The following GCLM variants were observed in gnomAD, a reference collection of about 807,000 sequenced individuals.
GCLM encodes the protein glutamate-cysteine ligase modifier subunit.
In GCLM, 15 loss-of-function variants were observed where a neutral mutation model predicts 36.0. The observed-to-expected ratio is 0.42, with a 90% CI of 0.28 to 0.64. GCLM has a LOEUF of 0.64. GCLM is among the 30% of genes least tolerant of loss of function. The pLI, the probability that GCLM is intolerant of heterozygous loss-of-function variation, is 0.25. For missense variants in GCLM, 242 were observed against 325.5 expected (o/e 0.74, Z 1.97); for synonymous variants, 129 against 122.8 (o/e 1.05, Z -0.34).
At chr1:93,891,933 G>A (rs1027616539) in intron 6 of GCLM, among the ~76,000 whole-genome samples, 57 of 151,770 alleles carry the variant, frequency 3.8e-4, no homozygotes, top group African/African-American at 1.4e-3. Flanking sequence ...ATCTCTTTAT[G>A]GGGGGAAACC....
At chr1:93,893,582 A>T (rs1656613360) in intron 6 of GCLM, among the ~76,000 whole-genome samples, 1 of 152,230 alleles carries the variant, frequency 6.6e-6, no homozygotes, top group African/African-American at 2.4e-5. Context: ...AATTTCCTCT[A>T]ATATTTATTA....
In GCLM at chr1:93,904,479, T is replaced by C. The variant is rs768556157; in HGVS notation, c.192+44A>G. On this transcript the variant is annotated intron_variant, in intron 2 of 6. Coordinates refer to ENST00000370238, the MANE Select transcript of GCLM (RefSeq NM_002061.4). ...GAAATTAACTTCCTGTTTACTTTACTTCCTTTTTGACCTGCATGATTTTTG... is the reference window on the plus strand; with the variant it reads ...GAAATTAACTTCCTGTTTACTTTACCTCCTTTTTGACCTGCATGATTTTTG... The C allele has an allele frequency of 7.4e-6, 9 of 1,220,980 alleles. No homozygotes were observed. In the South Asian group the frequency reaches 1.1e-4, roughly 15 times the overall value. The allele number at this position is 1,220,980 out of a possible 1,614,324, so 75.6% of individuals were successfully genotyped here.
intron 5 of GCLM, among the ~76,000 whole-genome samples, chr1:93,896,117 C>T (rs1448776486): frequency 1.4e-5 from 2 of 145,550 alleles, no homozygotes; most frequent in Non-Finnish European, 3.1e-5. Flanking sequence ...TGCACGCCAC[C>T]ATGCCTGGCT....
intron 3 of GCLM, among the ~76,000 whole-genome samples, chr1:93,901,221 G>A (rs1021072913): frequency 6.6e-6 from 1 of 152,092 alleles, no homozygotes; most frequent in African/African-American, 2.4e-5. Context: ...TTGCTTACCA[G>A]TATCTTACCA....
chr1:93,892,369 A>G (rs1029292015), intron 6 of GCLM, among the ~76,000 whole-genome samples: 1 of 152,218 alleles, frequency 6.6e-6, no homozygotes, highest in African/African-American at 2.4e-5. Flanking sequence ...AATTTTACAG[A>G]GTTAAATGTT....
rs1656393873 is a variant in GCLM at position 93,888,176 on chromosome 1, A to G, written c.*814T>C. On this transcript the variant is annotated 3_prime_UTR_variant, in exon 7 of 7. Coordinates refer to ENST00000370238, the MANE Select transcript of GCLM (RefSeq NM_002061.4). Reference sequence around the variant, plus strand: ...TCTCCAGAGCCCACAGTATCCCAACATATGGTAAATACTCAATACTTATTG... The same window carrying G: ...TCTCCAGAGCCCACAGTATCCCAACGTATGGTAAATACTCAATACTTATTG... 6.6e-6 allele frequency: 1 copy of G among 152,168 alleles called. No individual in the cohort carries two copies. The highest frequency in any genetic ancestry group is 6.5e-5 in the Admixed American group (1 of 15,276). The allele number at this position is 152,168 out of a possible 1,614,324, so 9.4% of individuals were successfully genotyped here.
At chr1:93,906,776 A>G (rs945155142) in intron 1 of GCLM, among the ~76,000 whole-genome samples, 2 of 152,168 alleles carry the variant, frequency 1.3e-5, no homozygotes, top group African/African-American at 4.8e-5. Flanking sequence ...ATACACACCC[A>G]ATATCACTGA....
At chr1:93,907,365 T>C (rs1657181231) in intron 1 of GCLM, among the ~76,000 whole-genome samples, 1 of 152,178 alleles carries the variant, frequency 6.6e-6, no homozygotes, top group South Asian at 2.1e-4. Context: ...TGTGTGACTC[T>C]GAGCATCAAG....
At chr1:93,892,442 T>C (rs1656571847) in intron 6 of GCLM, among the ~76,000 whole-genome samples, 1 of 152,216 alleles carries the variant, frequency 6.6e-6, no homozygotes, top group African/African-American at 2.4e-5. Context: ...TCAGAGACTA[T>C]GCTATTCATT....
rs1436035046 is a variant in GCLM, at chr1:93,887,731, G to C, written c.*1259C>G. 6.6e-6 allele frequency: 1 copy of C among 152,170 alleles called. No homozygotes were observed. The highest frequency in any genetic ancestry group is 2.4e-5 in the African/African-American group (1 of 41,422). The allele number at this position is 152,170 out of a possible 1,614,324, so 9.4% of individuals were successfully genotyped here. On this transcript the variant is annotated 3_prime_UTR_variant, in exon 7 of 7. Transcript: ENST00000370238. ...GATCTGCCCACCTCGGCCTCCCAAA[G>C]TGCTGGGATTACAGGTGTGAGCCAC...
chr1:93,887,827 T>C lies in GCLM; in HGVS notation c.*1163A>G, dbSNP rs1305525331. 1 of 152,178 alleles carries C rather than the reference T, an allele frequency of 6.6e-6. No individual in the cohort carries two copies. Among genetic ancestry groups the C allele is most frequent in the African/African-American group, 2.4e-5 (1 of 41,448 alleles). The allele number at this position is 152,178 out of a possible 1,614,324, so 9.4% of individuals were successfully genotyped here. ...TATTCAGGTTACAGACACAAATTTA[T>C]AGAATTAAGGAGATTTATAGTGTAC... On this transcript the variant is annotated 3_prime_UTR_variant, in exon 7 of 7. Coordinates refer to ENST00000370238, the MANE Select transcript of GCLM (RefSeq NM_002061.4).
chr1:93,889,192 G>C, intron 6 of GCLM, 33 bp from the exon 7 acceptor site: 2 of 1,478,998 alleles, frequency 1.4e-6, no homozygotes, highest in Non-Finnish European at 1.8e-6. Flanking sequence ...AAACTCCAGC[G>C]TGTTAAATTG....
rs1162622100 is a variant in GCLM, at chr1:93,886,280, A to C, written c.*2710T>G. On this transcript the variant is annotated 3_prime_UTR_variant, in exon 7 of 7. Transcript: ENST00000370238. ...TTTCTACCTTGGTCTCACTGGATGC[A>C]CATCTCCTCAGAAAACATCTCTTAT... The C allele has an allele frequency of 1.3e-5, 2 of 152,144 alleles. No individual in the cohort carries two copies. The highest frequency in any genetic ancestry group is 2.9e-5 in the Non-Finnish European group (2 of 67,992). The allele number at this position is 152,144 out of a possible 1,614,324, so 9.4% of individuals were successfully genotyped here. A position where few individuals can be genotyped will look rare whatever the true frequency, so the allele number is the denominator to read the frequency against.
intron 1 of GCLM, among the ~76,000 whole-genome samples, chr1:93,908,006 T>G (rs1657206625): frequency 2.0e-5 from 3 of 152,182 alleles, no homozygotes; most frequent in African/African-American, 7.2e-5. Flanking sequence ...TTAATTAAGA[T>G]TTATCTTTCT....
chr1:93,892,115 A>T (rs2100907463), intron 6 of GCLM, among the ~76,000 whole-genome samples: 1 of 152,206 alleles, frequency 6.6e-6, no homozygotes, highest in Admixed American at 6.5e-5. Flanking sequence ...ATTGGATTTA[A>T]TCGAAATGGG....
rs1400385682 is a variant in GCLM, at chr1:93,909,112, G to C, written c.52C>G (p.Leu18Val). 2 of 1,469,498 alleles carry C rather than the reference G, an allele frequency of 1.4e-6. No homozygotes were observed. Among genetic ancestry groups the C allele is most frequent in the Non-Finnish European group, 1.8e-6 (2 of 1,115,262 alleles). 91.0% of individuals were successfully genotyped at this position (1,469,498 alleles called of 1,614,324 possible). Residue 18 changes from leucine to valine, a missense_variant, in exon 1 of 7, where the codon CTG becomes GTG. By Grantham distance (32) the Leu-to-Val change is conservative. Coordinates refer to ENST00000370238, the MANE Select transcript of GCLM (RefSeq NM_002061.4). ...AKALLARART[L>V]HLQTGNLLNW... ...AGCAGGTTCCCCGTCTGCAGGTGCA[G>C]GGTGCGGGCCCGCGCCAGGAGCGCC...
In GCLM at chr1:93,909,205, G is replaced by A. The variant is rs1657270243; in HGVS notation, c.-42C>T. 3.4e-6 allele frequency: 4 copies of A among 1,167,718 alleles called. No individual in the cohort carries two copies. The South Asian group carries it at 1.7e-4, about 49-fold the overall frequency. The allele number at this position is 1,167,718 out of a possible 1,614,324, so 72.3% of individuals were successfully genotyped here. ...GGGCCGCGCAGCGAAGGGGCTGCGG[G>A]CGGGCGGGCAGGCAGGCGGCCGCCC... is the stretch of plus-strand genomic sequence containing the variant. On this transcript the variant is annotated 5_prime_UTR_variant, in exon 1 of 7. Coordinates refer to ENST00000370238, the MANE Select transcript of GCLM (RefSeq NM_002061.4).
intron 3 of GCLM, among the ~76,000 whole-genome samples, chr1:93,899,541 C>G (rs558621278): frequency 5.3e-5 from 8 of 152,184 alleles, no homozygotes; most frequent in Middle Eastern, 3.4e-3. Context: ...ATCTTAGTAA[C>G]TTTTTATTCA....
chr1:93,886,634 G>A lies in GCLM; in HGVS notation c.*2356C>T, dbSNP rs1257017116. The A allele has an allele frequency of 6.6e-6, 1 of 151,988 alleles. No individual in the cohort carries two copies. Among genetic ancestry groups the A allele is most frequent in the Non-Finnish European group, 1.5e-5 (1 of 67,996 alleles). 9.4% of individuals were successfully genotyped at this position (151,988 alleles called of 1,614,324 possible). ...TGTCAAGAGTTGAGGGTGCAGGTAG[G>A]AGATCACCAAAAAGCTCTGCTGAAG... On this transcript the variant is annotated 3_prime_UTR_variant, in exon 7 of 7. Transcript: ENST00000370238.
Sources: allele counts gnomAD v4.1 joint callset (sites outside exome capture counted in the v4.1 genomes callset), GRCh38; gene constraint gnomAD v4.1.1; transcripts MANE v1.5; gene names NCBI Gene and HGNC (gene_info 2026-07-23, HGNC 2026-07-21).